Variants in ACOT1 observed in about 807,000 individuals in gnomAD.
ACOT1 encodes the protein acyl-coenzyme A thioesterase 1.
In ACOT1, 8 loss-of-function variants were observed where a neutral mutation model predicts 15.7. The ratio of observed to expected loss-of-function variants is 0.51; its 90% confidence interval spans 0.30 to 0.92. The LOEUF is 0.92. Ranked by LOEUF, ACOT1 falls within the 40% of genes least tolerant of loss-of-function variation. The probability of loss-of-function intolerance (pLI) is 0.06; values close to 1 mark genes in which losing one functional copy is unlikely to be tolerated. For missense variants in ACOT1, 151 were observed against 539.4 expected (o/e 0.28, Z 7.13); for synonymous variants, 67 against 241.2 (o/e 0.28, Z 6.69).
chr14:73,526,373 C>G, the ACOT1 span, among the ~76,000 whole-genome samples: 1 of 152,182 alleles, frequency 6.6e-6, no homozygotes, highest in East Asian at 1.9e-4. Flanking sequence ...GTCACAAGGA[C>G]TATATTCCTT....
chr14:73,523,497 G>C, the ACOT1 span, among the ~76,000 whole-genome samples: 1 of 152,222 alleles, frequency 6.6e-6, no homozygotes, highest in African/African-American at 2.4e-5. Context: ...CATGCTTCCA[G>C]TTTGTCTTTA....
chr14:73,528,678 A>G, the ACOT1 span, among the ~76,000 whole-genome samples: 5 of 152,188 alleles, frequency 3.3e-5, no homozygotes, highest in Non-Finnish European at 7.3e-5. Flanking sequence ...TACCTGTTCT[A>G]ATTTAGTGTT....
At chr14:73,532,784 C>T (rs1329093792), upstream of ACOT1, among the ~76,000 whole-genome samples, 1 of 113,044 alleles carries the variant, frequency 8.8e-6, no homozygotes, top group African/African-American at 2.9e-5. Context: ...AAAACCCCAT[C>T]TCTACTAAAA....
the ACOT1 span, among the ~76,000 whole-genome samples, chr14:73,498,727 T>C: frequency 1.3e-5 from 2 of 152,232 alleles, no homozygotes; most frequent in Non-Finnish European, 1.5e-5. Context: ...GTAGCAGTCT[T>C]GAAACTGATC....
the ACOT1 span, among the ~76,000 whole-genome samples, chr14:73,506,804 G>GTTTTTTTTGTTTTTTTTTTTTT: frequency 1.2e-5 from 1 of 80,492 alleles, no homozygotes; most frequent in East Asian, 5.8e-4. Flanking sequence ...GACTTTAACT[G>GTTTTTTTTGTTTTTTTTTTTTT]TTTTTTTTTT....
chr14:73,537,466 G>C lies in ACOT1; in HGVS notation c.45G>C (p.Trp15Cys), dbSNP rs754975239. 57 of 1,229,876 alleles carry C rather than the reference G, an allele frequency of 4.6e-5. 18 individuals carry two copies. The highest frequency in any genetic ancestry group is 6.0e-5 in the Non-Finnish European group (56 of 929,404). 76.2% of individuals were successfully genotyped at this position (1,229,876 alleles called of 1,614,324 possible). A position where few individuals can be genotyped will look rare whatever the true frequency, so the allele number is the denominator to read the frequency against. ...TGGAGCCCGCGGGCCGCTGCTGCTG[G>C]GACGAACCGGTGCGAATCGCCGTGC... is the stretch of plus-strand genomic sequence containing the variant. ...LILEPAGRCC[W>C]DEPVRIAVRG... Residue 15 changes from tryptophan to cysteine, a missense_variant, in exon 1 of 3, where the codon TGG becomes TGC. Transcript: ENST00000311148.
chr14:73,528,251 C>T, the ACOT1 span, among the ~76,000 whole-genome samples: 36 of 151,694 alleles, frequency 2.4e-4, no homozygotes, highest in African/African-American at 7.3e-4. Flanking sequence ...AAAAAATTAG[C>T]GGGTGTGGTG....
the ACOT1 span, chr14:73,492,388 C>T: frequency 1.2e-6 from 2 of 1,613,886 alleles, no homozygotes; most frequent in Non-Finnish European, 1.7e-6. This position sits in a 1 kb window ranked among gnomAD's most constrained non-coding sequence, Gnocchi z 4.9. Context: ...TGCCCCGAGA[C>T]TTCATGGATT....
At chr14:73,508,408 G>T in the ACOT1 span, 1 of 811,108 alleles carries the variant, frequency 1.2e-6, no homozygotes, top group Non-Finnish European at 2.0e-6. Context: ...ACTTCCTTGT[G>T]CCCCACTCAG....
chr14:73,500,533 A>T, the ACOT1 span: 7 of 1,609,434 alleles, frequency 4.3e-6, no homozygotes, highest in Non-Finnish European at 5.9e-6. Context: ...AGATGAGAAT[A>T]TGTTTCCCTG....
the ACOT1 span, chr14:73,522,515 C>T: frequency 1.9e-5 from 31 of 1,614,196 alleles, no homozygotes; most frequent in South Asian, 2.2e-4. Flanking sequence ...TCGGGCTGTG[C>T]GCTCGTTCAG....
the ACOT1 span, chr14:73,522,203 T>C: frequency 6.7e-7 from 1 of 1,496,582 alleles, no homozygotes; most frequent in African/African-American, 1.4e-5. Context: ...GGAGTGTGAG[T>C]CCACCTGGGA....
chr14:73,496,763 AG>A, the ACOT1 span: 1 of 771,502 alleles, frequency 1.3e-6, no homozygotes, highest in Non-Finnish European at 2.2e-6. Context: ...ACTTGGAATC[AG>A]GTAAGAATCC....
chr14:73,505,782 C>T, the ACOT1 span, among the ~76,000 whole-genome samples: 1 of 151,712 alleles, frequency 6.6e-6, no homozygotes, highest in Non-Finnish European at 1.5e-5. Context: ...TAAGTCAGTG[C>T]TTCTCGAATG....
chr14:73,537,583 C>CGACA lies in ACOT1; in HGVS notation c.163_166dup (p.Thr56ArgfsTer22). 1.6e-6 allele frequency: 2 copies of CGACA among 1,221,062 alleles called. No individual in the cohort carries two copies. Among genetic ancestry groups the CGACA allele is most frequent in the Non-Finnish European group, 2.2e-6 (2 of 928,936 alleles). 75.6% of individuals were successfully genotyped at this position (1,221,062 alleles called of 1,614,324 possible). A position where few individuals can be genotyped will look rare whatever the true frequency, so the allele number is the denominator to read the frequency against. On this transcript the variant is annotated frameshift_variant, in exon 1 of 3. Transcript: ENST00000311148. LOFTEE classifies it high-confidence loss of function. Reference sequence around the variant, plus strand: ...TCCAGGCCCACGCGCGCTACCGCGCCGACACCCTTGGCGAGCTGGACCTGG... The same window carrying CGACA: ...TCCAGGCCCACGCGCGCTACCGCGCCGACAGACACCCTTGGCGAGCTGGACCTGG...
chr14:73,498,390 A>G, the ACOT1 span: 1 of 1,474,100 alleles, frequency 6.8e-7, no homozygotes, highest in Non-Finnish European at 9.2e-7. Context: ...TGAGCTTACT[A>G]TATTCTAGCA....
chr14:73,500,274 C>T, the ACOT1 span, among the ~76,000 whole-genome samples: 1 of 148,662 alleles, frequency 6.7e-6, no homozygotes, highest in Non-Finnish European at 1.5e-5. Flanking sequence ...GAATTATGCA[C>T]GGACCTTTTT....
the ACOT1 span, chr14:73,508,179 A>G: frequency 2.5e-6 from 4 of 1,614,114 alleles, no homozygotes; most frequent in East Asian, 2.2e-5. Flanking sequence ...ACTGTTCCTC[A>G]GTGTCCTCAT....
intron 1 of ACOT1, among the ~76,000 whole-genome samples, chr14:73,538,967 TAAAACA>T (rs1002008696): frequency 8.7e-6 from 1 of 115,284 alleles, no homozygotes; most frequent in African/African-American, 2.8e-5. Context: ...AAACTCCATC[TAAAACA>T]AAAACAAAAA....
Sources: gnomAD v4.1 joint callset for allele counts (sites outside exome capture counted in the v4.1 genomes callset) on GRCh38, gnomAD v4.1.1 for gene constraint, Gnocchi (gnomAD v3.1) non-coding constraint, MANE v1.5 for transcripts, NCBI Gene and HGNC (gene_info 2026-07-23, HGNC 2026-07-21) for gene names.